The following EPB41L3 variants were observed in gnomAD, a reference collection of about 807,000 sequenced individuals.
EPB41L3 encodes erythrocyte membrane protein band 4.1 like 3.
EPB41L3 carries 57 observed loss-of-function variants against 127.1 expected under a neutral mutation model. The ratio of observed to expected loss-of-function variants is 0.45; its 90% CI spans 0.36 to 0.56. The LOEUF (loss-of-function observed/expected upper bound fraction) is 0.56. Ranked by LOEUF, EPB41L3 falls within the 20% of genes least tolerant of loss-of-function variation. The pLI is 0.00. For synonymous variants in EPB41L3, 572 were observed against 549.5 expected, an observed-to-expected ratio of 1.04 and a Z score of -0.57; for missense variants, 1,273 against 1,372.2, an observed-to-expected ratio of 0.93 and a Z score of 1.14.
chr18:5,544,044 C>T (rs963249315), upstream of EPB41L3: 6 of 985,598 alleles, frequency 6.1e-6, no homozygotes, highest in Non-Finnish European at 7.2e-6. Context: ...CCGCTGTTCC[C>T]CCCGCCCCCT....
chr18:5,541,279 T>TAAAAAAAA (rs2093723780), intron 1 of EPB41L3, among the ~76,000 whole-genome samples: 1 of 73,822 alleles, frequency 1.4e-5, no homozygotes, highest in African/African-American at 5.0e-5. Context: ...AAAAAAAAAG[T>TAAAAAAAA]CTCTCTCTTC....
intron 3 of EPB41L3, among the ~76,000 whole-genome samples, chr18:5,607,354 G>A (rs1386865786): frequency 1.3e-5 from 2 of 152,186 alleles, no homozygotes; most frequent in African/African-American, 4.8e-5. Flanking sequence ...GCCTCATTCT[G>A]GCTGAGCCCT....
intron 3 of EPB41L3, among the ~76,000 whole-genome samples, chr18:5,472,876 A>C (rs2043808996): frequency 6.6e-6 from 1 of 152,226 alleles, no homozygotes; most frequent in South Asian, 2.1e-4. Context: ...AAGGTAACAA[A>C]AGCATCTTAG....
intron 3 of EPB41L3, among the ~76,000 whole-genome samples, chr18:5,572,723 A>C (rs547586208): frequency 4.6e-5 from 7 of 152,162 alleles, no homozygotes; most frequent in African/African-American, 1.4e-4. Flanking sequence ...ACAGGTGGAC[A>C]CCACCACACT....
At chr18:5,612,884 G>A (rs1046986353) in intron 2 of EPB41L3, among the ~76,000 whole-genome samples, 2 of 152,182 alleles carry the variant, frequency 1.3e-5, no homozygotes, top group African/African-American at 4.8e-5. Flanking sequence ...GGGACTACAG[G>A]TGTGCACCAC....
At chr18:5,440,061 T>A (rs150155545) in intron 5 of EPB41L3, among the ~76,000 whole-genome samples, 1,739 of 152,284 alleles carry the variant, frequency 0.011, 36 homozygotes, top group African/African-American at 0.039. Flanking sequence ...TTTCAACCTA[T>A]AGTGAGCCGA....
At chr18:5,576,603 G>C (rs1042519257) in intron 3 of EPB41L3, among the ~76,000 whole-genome samples, 1 of 152,122 alleles carries the variant, frequency 6.6e-6, no homozygotes, top group African/African-American at 2.4e-5. Context: ...TTTTCCCAAG[G>C]ATCAACAGAA....
chr18:5,422,992 T>C (rs543001565), intron 11 of EPB41L3, among the ~76,000 whole-genome samples: 25 of 152,288 alleles, frequency 1.6e-4, no homozygotes, highest in African/African-American at 3.4e-4. Context: ...ATTTAACTTA[T>C]AGATTTATAA....
chr18:5,537,836 T>A lies in EPB41L3; in HGVS notation c.-12+6077A>T, dbSNP rs548079688. Among the ~76,000 whole-genome samples the A allele has an allele frequency of 3.9e-5, 6 of 152,262 alleles. No individual in the cohort carries two copies. The East Asian group carries it at 1.2e-3, about 29-fold the overall frequency. On this transcript the variant is annotated intron_variant, in intron 1 of 22. Transcript: ENST00000341928. Reference sequence around the variant, plus strand: ...GAAAGTCAAAATGGGAAATGAAGAATTTTCAATAGATTTTCCCTATAAAAG... The same window carrying A: ...GAAAGTCAAAATGGGAAATGAAGAAATTTCAATAGATTTTCCCTATAAAAG...
At chr18:5,424,400 TATAA>T (rs2077882778) in intron 9 of EPB41L3, 41 bp from the exon 10 acceptor site, 1 of 1,474,200 alleles carries the variant, frequency 6.8e-7, no homozygotes, top group African/African-American at 1.4e-5. Context: ...AGTTTAAAAT[TATAA>T]ATAACAGAAG....
chr18:5,446,485 GCTA>G (rs2081497072), intron 3 of EPB41L3, among the ~76,000 whole-genome samples: 1 of 152,124 alleles, frequency 6.6e-6, no homozygotes, highest in South Asian at 2.1e-4. Flanking sequence ...TTGTTTGTGC[GCTA>G]CTAACATTTT....
chr18:5,542,354 A>T (rs2093755149), intron 1 of EPB41L3, among the ~76,000 whole-genome samples: 1 of 150,908 alleles, frequency 6.6e-6, no homozygotes, highest in Admixed American at 6.6e-5. Context: ...AATTTCAAAA[A>T]CAATGTTTTT....
At chr18:5,605,990 C>T (rs10221410) in intron 3 of EPB41L3, among the ~76,000 whole-genome samples, 13,295 of 152,074 alleles carry the variant, frequency 0.087, 644 homozygotes, top group Middle Eastern at 0.14. Context: ...ACGCTAATGG[C>T]ACACACACCA....
chr18:5,509,071 T>C (rs1043442763), intron 1 of EPB41L3, among the ~76,000 whole-genome samples: 2 of 152,204 alleles, frequency 1.3e-5, no homozygotes, highest in Non-Finnish European at 2.9e-5. Context: ...ACAGTTTTCA[T>C]CATCGGACAC....
At chr18:5,515,304 G>A (rs1035516331) in intron 1 of EPB41L3, among the ~76,000 whole-genome samples, 1 of 152,144 alleles carries the variant, frequency 6.6e-6, no homozygotes, top group African/African-American at 2.4e-5. Context: ...CTTCAAGATG[G>A]TGTTGCTGAA....
chr18:5,473,475 AT>A (rs1270913165), intron 3 of EPB41L3, among the ~76,000 whole-genome samples: 8 of 151,580 alleles, frequency 5.3e-5, no homozygotes, highest in Admixed American at 1.3e-4. Flanking sequence ...GAAATTTGAG[AT>A]CAAGCTTGAC....
In EPB41L3 at chr18:5,581,083, C is replaced by A. The variant is rs149328362; in HGVS notation, c.-306+31257G>T. 6.6e-5 allele frequency among the ~76,000 whole-genome samples: 10 copies of A among 152,272 alleles called. No homozygotes were observed. The East Asian group carries it at 1.7e-3, about 26-fold the overall frequency. On this transcript the variant is annotated intron_variant, in intron 3 of 21. Transcript: ENST00000545076. Reference sequence around the variant, plus strand: ...AAGCTTAATAGCCAATATTTGAAATCAGATTTTTCTAATTTTCAAAAAATC... The same window carrying A: ...AAGCTTAATAGCCAATATTTGAAATAAGATTTTTCTAATTTTCAAAAAATC...
intron 1 of EPB41L3, among the ~76,000 whole-genome samples, chr18:5,532,407 G>C (rs1380337423): frequency 6.6e-6 from 1 of 152,154 alleles, no homozygotes; most frequent in East Asian, 1.9e-4. Flanking sequence ...ACAGAGAAAG[G>C]AACAAAACTT....
At chr18:5,576,003 C>A (rs113417159) in intron 3 of EPB41L3, among the ~76,000 whole-genome samples, 1 of 152,140 alleles carries the variant, frequency 6.6e-6, no homozygotes, top group Non-Finnish European at 1.5e-5. Flanking sequence ...AACATCCATA[C>A]GTATAATTTT....
Sources: allele counts gnomAD v4.1 joint callset (sites outside exome capture counted in the v4.1 genomes callset), GRCh38; gene constraint gnomAD v4.1.1; transcripts MANE v1.5; gene names NCBI Gene and HGNC (gene_info 2026-07-23, HGNC 2026-07-21).